The following PKHD1 variants were observed in gnomAD, a reference collection of about 807,000 sequenced individuals.
PKHD1 encodes fibrocystin.
Under a neutral mutation model 412.0 loss-of-function variants are expected in PKHD1, and 291 were observed. The observed-to-expected ratio is 0.71, with a 90% CI of 0.64 to 0.78. The LOEUF is 0.78. Ranked by LOEUF, PKHD1 falls within the 30% of genes least tolerant of loss-of-function variation. The pLI is 0.00. For synonymous variants in PKHD1, 1,777 were observed against 1,821.5 expected, an observed-to-expected ratio of 0.98 and a Z score of 0.62; for missense variants, 4,825 against 4,950.7, an observed-to-expected ratio of 0.97 and a Z score of 0.76.
chr6:51,906,143 T>C, intron 41 of PKHD1, 72 bp downstream of exon 41: 1 of 1,266,072 alleles, frequency 7.9e-7, no homozygotes. Context: ...ATTAGAAATT[T>C]GGGGAGAATT....
chr6:51,933,805 T>C (rs1787020031), intron 37 of PKHD1, among the ~76,000 whole-genome samples: 1 of 152,194 alleles, frequency 6.6e-6, no homozygotes, highest in South Asian at 2.1e-4. Context: ...AGTATAAGGC[T>C]AAGTCTGCTC....
chr6:51,665,264 C>T (rs942893991), intron 60 of PKHD1, among the ~76,000 whole-genome samples: 1 of 152,062 alleles, frequency 6.6e-6, no homozygotes, highest in African/African-American at 2.4e-5. Flanking sequence ...GAAGTCAGAG[C>T]TGAGGTTTCT....
In PKHD1 at chr6:51,658,941, T is replaced by G; in HGVS notation, c.11174+11A>C. 1 of 1,580,778 alleles carries G rather than the reference T, an allele frequency of 6.3e-7. No individual in the cohort carries two copies. Among genetic ancestry groups the G allele is most frequent in the Non-Finnish European group, 8.7e-7 (1 of 1,149,856 alleles). On this transcript the variant is annotated intron_variant, in intron 61 of 66. Coordinates refer to ENST00000371117, the MANE Select transcript of PKHD1 (RefSeq NM_138694.4). The stretch of plus-strand genomic sequence containing the variant: ...AGCCCTCATTTGGATGTGAATATAA[T>G]TAGTACTTACCCATAGCCAATGACT...
chr6:51,975,762 C>T (rs1033293278), intron 35 of PKHD1: 2 of 151,490 alleles, frequency 1.3e-5, no homozygotes, highest in African/African-American at 2.4e-5. Flanking sequence ...ATGCACTAAG[C>T]ATGTCTGCAC....
chr6:52,029,782 G>T (rs4631282), intron 29 of PKHD1, among the ~76,000 whole-genome samples: 69,381 of 152,084 alleles, frequency 0.46, 17,549 homozygotes, highest in Admixed American at 0.58. Flanking sequence ...CAAGTTGATG[G>T]TAGTCCTAGG....
intron 37 of PKHD1, among the ~76,000 whole-genome samples, chr6:51,921,503 A>C (rs540935268): frequency 6.6e-6 from 1 of 152,108 alleles, no homozygotes; most frequent in African/African-American, 2.4e-5. Context: ...ATTCTCCTGG[A>C]TAATATCCTG....
At chr6:51,953,135 G>A (rs1457116540) in intron 36 of PKHD1, among the ~76,000 whole-genome samples, 1 of 151,982 alleles carries the variant, frequency 6.6e-6, no homozygotes, top group Non-Finnish European at 1.5e-5. Flanking sequence ...CTATCTTCTG[G>A]CTTGAAGGGT....
chr6:51,647,998 C>T, intron 63 of PKHD1, 33 bp downstream of exon 63: 1 of 1,194,058 alleles, frequency 8.4e-7, no homozygotes, highest in Non-Finnish European at 1.3e-6. Context: ...AAAGTGGTAA[C>T]AGATATCTGA....
intron 30 of PKHD1, 41 bp from the exon 31 acceptor site, chr6:52,027,937 G>A (rs1802468111): frequency 6.7e-6 from 10 of 1,484,920 alleles, no homozygotes; most frequent in South Asian, 1.1e-5. Flanking sequence ...AACTGACAGA[G>A]AGAGATAAGA....
At chr6:51,925,826 ATCTC>A (rs577355637) in intron 37 of PKHD1, among the ~76,000 whole-genome samples, 5 of 148,830 alleles carry the variant, frequency 3.4e-5, no homozygotes, top group Non-Finnish European at 6.0e-5. Flanking sequence ...CTCTCTTTTT[ATCTC>A]TCTCTCTCTC....
intron 45 of PKHD1, 98 bp downstream of exon 45, chr6:51,885,769 C>G: frequency 1.2e-6 from 1 of 811,760 alleles, no homozygotes; most frequent in East Asian, 2.7e-5. Context: ...AAGTCAATCC[C>G]ATTTAAGTAG....
intron 64 of PKHD1, among the ~76,000 whole-genome samples, chr6:51,635,922 A>G (rs922379871): frequency 6.7e-5 from 10 of 150,078 alleles, no homozygotes; most frequent in African/African-American, 2.2e-4. Flanking sequence ...ATCTCTTCTC[A>G]GCAGCAGCCC....
intron 34 of PKHD1, among the ~76,000 whole-genome samples, chr6:52,016,023 A>T (rs899888457): frequency 6.6e-6 from 1 of 152,126 alleles, no homozygotes; most frequent in Admixed American, 6.5e-5. Context: ...ATTCAGATGA[A>T]GTCCCTGAAT....
intron 52 of PKHD1, among the ~76,000 whole-genome samples, chr6:51,802,654 A>C (rs1219990631): frequency 4.0e-5 from 6 of 151,600 alleles, no homozygotes; most frequent in Non-Finnish European, 8.8e-5. Flanking sequence ...TTTTACCCTG[A>C]ATAGAAAAAT....
chr6:51,656,707 C>T (rs574523323), intron 61 of PKHD1, among the ~76,000 whole-genome samples: 1 of 148,954 alleles, frequency 6.7e-6, no homozygotes, highest in African/African-American at 2.5e-5. Context: ...GTCACCCAGG[C>T]TGGTGTGTAG....
chr6:51,665,205 G>A (rs1446806513), intron 60 of PKHD1, among the ~76,000 whole-genome samples: 1 of 151,974 alleles, frequency 6.6e-6, no homozygotes, highest in Admixed American at 6.6e-5. Context: ...ATATTTCAAG[G>A]CTATGTAGTC....
At chr6:51,803,235 C>T (rs1763208794) in intron 52 of PKHD1, among the ~76,000 whole-genome samples, 1 of 150,928 alleles carries the variant, frequency 6.6e-6, no homozygotes, top group South Asian at 2.1e-4. Context: ...TTGGAAAGTC[C>T]CCAAAAATTA....
In PKHD1 at chr6:52,028,186, G is replaced by C; in HGVS notation, c.3530C>G (p.Ser1177Cys). 6.2e-7 allele frequency: 1 copy of C among 1,614,224 alleles called. No individual in the cohort carries two copies. The highest frequency in any genetic ancestry group is 1.6e-4 in the Middle Eastern group (1 of 6,062). Reference protein sequence around the residue: ...LPAGLHRISVSINGVSIHSQG... With the variant: ...LPAGLHRISVCINGVSIHSQG... ...TGAGTGAATGCTGACCCCATTGATA[G>C]AGACGGAAATTCTGTGGAGACCAGC... Residue 1177 changes from serine (S) to cysteine (C), a missense_variant, in exon 30 of 67, where the codon TCT becomes TGT. Physicochemically the swap from Ser to Cys is moderately radical, Grantham distance 112 (BLOSUM62 -1). Transcript: ENST00000371117.
At chr6:51,758,698 G>A (rs1225058299) in intron 55 of PKHD1, among the ~76,000 whole-genome samples, 2 of 152,100 alleles carry the variant, frequency 1.3e-5, no homozygotes, top group Middle Eastern at 3.4e-3. Context: ...TAATCACTGT[G>A]GAAGTCTTTT....
Sources: allele counts gnomAD v4.1 joint callset (sites outside exome capture counted in the v4.1 genomes callset), GRCh38; gene constraint gnomAD v4.1.1; transcripts MANE v1.5; gene names NCBI Gene and HGNC (gene_info 2026-07-23, HGNC 2026-07-21).